The following DSCAML1 variants were observed in gnomAD, a reference collection of about 807,000 sequenced individuals.
DSCAML1 encodes DS cell adhesion molecule like 1.
In DSCAML1, 38 loss-of-function variants were observed where a neutral mutation model predicts 200.5. That is an observed-to-expected ratio of 0.19 (90% CI 0.15 to 0.25). The LOEUF (loss-of-function observed/expected upper bound fraction) is 0.25. DSCAML1 is among the 10% of genes least tolerant of loss of function. The probability of loss-of-function intolerance (pLI) is 1.00; values close to 1 mark genes in which losing one functional copy is unlikely to be tolerated. For missense variants in DSCAML1, 2,223 were observed against 2,858.8 expected (o/e 0.78, Z 5.07); for synonymous variants, 1,215 against 1,165.0 (o/e 1.04, Z -0.87).
chr11:117,496,916 A>G (rs2049299390), intron 11 of DSCAML1, among the ~76,000 whole-genome samples: 1 of 152,182 alleles, frequency 6.6e-6, no homozygotes, highest in Middle Eastern at 3.2e-3. Context: ...ACAAACGTCC[A>G]CTTTGGGGTT....
chr11:117,715,341 A>AG (rs199811614), intron 3 of DSCAML1, among the ~76,000 whole-genome samples: 1 of 151,722 alleles, frequency 6.6e-6, no homozygotes, highest in African/African-American at 2.4e-5. Context: ...TTGCAGGAAA[A>AG]ACGGAGCCTC....
intron 3 of DSCAML1, among the ~76,000 whole-genome samples, chr11:117,572,267 T>C (rs1263993525): frequency 6.6e-6 from 1 of 152,198 alleles, no homozygotes; most frequent in Non-Finnish European, 1.5e-5. Context: ...GAGTAAACAT[T>C]TCTCACAGGG....
At chr11:117,641,652 G>A (rs191864257) in intron 3 of DSCAML1, among the ~76,000 whole-genome samples, 3,193 of 152,206 alleles carry the variant, frequency 0.021, 107 homozygotes, top group African/African-American at 0.07. Context: ...AGAGGGCCCC[G>A]ACTCAGAAGA....
At chr11:117,796,190 C>A (rs1171933889) in intron 1 of DSCAML1, among the ~76,000 whole-genome samples, 1 of 152,250 alleles carries the variant, frequency 6.6e-6, no homozygotes, top group Non-Finnish European at 1.5e-5. Flanking sequence ...AGGTACGCAG[C>A]GCCCCAGCCG....
At chr11:117,436,978 C>T in intron 26 of DSCAML1, 144 bp downstream of exon 26, 1 of 1,198,518 alleles carries the variant, frequency 8.3e-7, no homozygotes, top group Non-Finnish European at 1.1e-6. Context: ...TCAGCCCCTT[C>T]ACCTGCAGGC....
intron 11 of DSCAML1, among the ~76,000 whole-genome samples, chr11:117,483,018 A>G (rs1269797699): frequency 1.3e-5 from 2 of 152,210 alleles, no homozygotes; most frequent in African/African-American, 2.4e-5. Context: ...GAAAATCACC[A>G]CCAAACAACC....
At chr11:117,676,265 CAG>C (rs147292242) in intron 3 of DSCAML1, among the ~76,000 whole-genome samples, 2,994 of 152,168 alleles carry the variant, frequency 0.02, 48 homozygotes, top group Non-Finnish European at 0.027. Context: ...GGGAATGAGG[CAG>C]AGATATTAGA....
At chr11:117,559,580 T>A (rs2050623749) in intron 3 of DSCAML1, among the ~76,000 whole-genome samples, 2 of 152,160 alleles carry the variant, frequency 1.3e-5, no homozygotes, top group African/African-American at 4.8e-5. Context: ...TCAGGGAGTT[T>A]GTCTGATTCT....
chr11:117,623,144 A>C (rs2051971164), intron 3 of DSCAML1, among the ~76,000 whole-genome samples: 1 of 152,000 alleles, frequency 6.6e-6, no homozygotes. Flanking sequence ...CATCAACTGA[A>C]ATCTCCTGCC....
At chr11:117,461,331 G>A in intron 18 of DSCAML1, 119 bp downstream of exon 18, 2 of 1,424,560 alleles carry the variant, frequency 1.4e-6, no homozygotes, top group Non-Finnish European at 1.9e-6. Flanking sequence ...GAGAAGAGGG[G>A]GCTGCACTTC....
At chr11:117,432,604 T>C in intron 29 of DSCAML1, 100 bp from the exon 30 acceptor site, 1 of 1,371,468 alleles carries the variant, frequency 7.3e-7, no homozygotes, top group Non-Finnish European at 1.0e-6. Flanking sequence ...CAATGTGTTT[T>C]TTGTTTGTGG....
chr11:117,596,455 GGAGA>G (rs67048270), intron 3 of DSCAML1, among the ~76,000 whole-genome samples: 41,792 of 151,522 alleles, frequency 0.28, 6,139 homozygotes, highest in Middle Eastern at 0.34. Context: ...CGGTTGAGGA[GGAGA>G]GAGAGAGAAG....
intron 3 of DSCAML1, among the ~76,000 whole-genome samples, chr11:117,661,389 C>T (rs544219774): frequency 3.3e-4 from 51 of 152,256 alleles, no homozygotes; most frequent in African/African-American, 1.1e-3. Context: ...ACAGGTGCAC[C>T]GAATAGTGAA....
chr11:117,608,855 T>G (rs1354880211), intron 3 of DSCAML1, among the ~76,000 whole-genome samples: 3 of 96,632 alleles, frequency 3.1e-5, no homozygotes, highest in African/African-American at 1.2e-4. Flanking sequence ...TTCTCACCTT[T>G]GCTGACATTG....
chr11:117,595,090 C>CA (rs1416381581), intron 3 of DSCAML1, among the ~76,000 whole-genome samples: 1 of 80,390 alleles, frequency 1.2e-5, no homozygotes, highest in African/African-American at 7.2e-5. Flanking sequence ...ACACACACAC[C>CA]CTTTGATATT....
upstream of DSCAML1, chr11:117,797,334 G>A (rs1005507768): frequency 5.9e-5 from 74 of 1,259,722 alleles, 1 homozygote; most frequent in Non-Finnish European, 1.2e-5. Context: ...GCGCGAGCCC[G>A]GAGCCCAGAC....
intron 26 of DSCAML1, 64 bp from the exon 27 acceptor site, chr11:117,435,863 C>T: frequency 6.5e-7 from 1 of 1,535,744 alleles, no homozygotes; most frequent in South Asian, 1.3e-5. Flanking sequence ...CAGAACATCT[C>T]ATGGGTGGGG....
chr11:117,782,426 C>T (rs2055281385), intron 1 of DSCAML1, among the ~76,000 whole-genome samples: 1 of 152,216 alleles, frequency 6.6e-6, no homozygotes, highest in Non-Finnish European at 1.5e-5. Context: ...GCACTCATAG[C>T]AGCTAAAGGC....
intron 3 of DSCAML1, among the ~76,000 whole-genome samples, chr11:117,718,460 T>C (rs1437110004): frequency 6.6e-6 from 1 of 152,206 alleles, no homozygotes; most frequent in Non-Finnish European, 1.5e-5. Flanking sequence ...CTTTGGATAT[T>C]TGAAATCCAG....
Sources: allele counts gnomAD v4.1 joint callset (sites outside exome capture counted in the v4.1 genomes callset), GRCh38; gene constraint gnomAD v4.1.1; transcripts MANE v1.5; gene names NCBI Gene and HGNC (gene_info 2026-07-23, HGNC 2026-07-21).